The following GPM6B variants were observed in gnomAD, a reference collection of about 807,000 sequenced individuals.
GPM6B encodes the protein neuronal membrane glycoprotein M6-b.
Under a neutral mutation model 27.2 loss-of-function variants are expected in GPM6B, and 4 were observed. The observed-to-expected ratio is 0.15, with a 90% CI of 0.07 to 0.34. The LOEUF (loss-of-function observed/expected upper bound fraction) is 0.34. Ranked by LOEUF, GPM6B falls within the 10% of genes least tolerant of loss-of-function variation. The pLI is 1.00. For missense variants in GPM6B, 183 were observed against 261.9 expected, an observed-to-expected ratio of 0.70 and a Z score of 2.08; for synonymous variants, 124 against 103.1, an observed-to-expected ratio of 1.20 and a Z score of -1.23.
chrX:13,799,435 G>T (rs776056183), intron 2 of GPM6B, among the ~76,000 whole-genome samples: 5 of 105,541 alleles, frequency 4.7e-5, no homozygotes, highest in Middle Eastern at 4.8e-3. Context: ...GTTTCACCAT[G>T]TTGGCCAGAC....
intron 2 of GPM6B, among the ~76,000 whole-genome samples, chrX:13,806,575 C>G (rs1350891461): frequency 8.9e-6 from 1 of 111,819 alleles, no homozygotes; most frequent in Non-Finnish European, 1.9e-5. Flanking sequence ...CAAGACAGAA[C>G]TAAATCCAAC....
At chrX:13,887,364 C>T (rs755995149) in intron 1 of GPM6B, among the ~76,000 whole-genome samples, 1 of 111,993 alleles carries the variant, frequency 8.9e-6, no homozygotes, top group East Asian at 2.8e-4. Context: ...ATCTTGATTA[C>T]ACAAGACACA....
chrX:13,895,626 T>C (rs1465752109), intron 1 of GPM6B, among the ~76,000 whole-genome samples: 4 of 111,932 alleles, frequency 3.6e-5, no homozygotes, highest in Non-Finnish European at 1.9e-5. Context: ...TGACTCAATT[T>C]GTATCTCTAT....
Position 13,834,965 on chromosome X carries a change from G to A in GPM6B, c.-197-49157C>T, listed in dbSNP as rs762291258. 1.1e-4 allele frequency among the ~76,000 whole-genome samples: 12 copies of A among 112,345 alleles called. No individual in the cohort carries two copies. In the South Asian group the frequency reaches 4.1e-3, roughly 38 times the overall value. The stretch of plus-strand genomic sequence containing the variant: ...CAGGTACTGTGGATATAAAAAGAGT[G>A]GAGACTGCTTCTCACTGGAGGAGCT... On this transcript the variant is annotated intron_variant, in intron 1 of 6. Coordinates refer to the GPM6B transcript ENST00000398361.
chrX:13,926,685 T>C (rs988267943), intron 1 of GPM6B, among the ~76,000 whole-genome samples: 8 of 111,901 alleles, frequency 7.1e-5, no homozygotes, highest in Non-Finnish European at 1.5e-4. Flanking sequence ...GTGCATGGTA[T>C]TTCTGTATAG....
In GPM6B at chrX:13,913,998, C is replaced by G. The variant is rs1358143603; in HGVS notation, c.-198+24329G>C. Among the ~76,000 whole-genome samples, 13 of 111,403 alleles carry G rather than the reference C, an allele frequency of 1.2e-4. No homozygotes were observed. The Admixed American group carries it at 1.2e-3, about 11-fold the overall frequency. The stretch of plus-strand genomic sequence containing the variant: ...AACTCCTGGGCTCAAGAGATCTGCC[C>G]ACTTCGGCCTCCCAAAGTGCTGAAA... On this transcript the variant is annotated intron_variant, in intron 1 of 6. Coordinates refer to the GPM6B transcript ENST00000398361.
intron 5 of GPM6B, 43 bp from the exon 6 acceptor site, chrX:13,777,468 G>A (rs774314902): frequency 1.6e-5 from 15 of 922,613 alleles, no homozygotes; most frequent in East Asian, 6.2e-5. Flanking sequence ...AAACTATAGC[G>A]CCTCATGTTC....
intron 1 of GPM6B, among the ~76,000 whole-genome samples, chrX:13,900,021 G>A (rs1393232610): frequency 8.9e-6 from 1 of 112,068 alleles, no homozygotes. Context: ...TAAAGTATTT[G>A]TAAATAGATG....
intron 1 of GPM6B, among the ~76,000 whole-genome samples, chrX:13,899,823 A>AG (rs1001110635): frequency 1.8e-5 from 2 of 112,020 alleles, no homozygotes; most frequent in African/African-American, 6.5e-5. Flanking sequence ...AATGAAATGC[A>AG]GTCATTATTG....
At chrX:13,799,403 T>TTA (rs1385492782) in intron 2 of GPM6B, among the ~76,000 whole-genome samples, 17 of 62,740 alleles carry the variant, frequency 2.7e-4, no homozygotes, top group African/African-American at 9.6e-4. Context: ...ATTATTATTA[T>TTA]TTTTTTTTTA....
intron 1 of GPM6B, among the ~76,000 whole-genome samples, chrX:13,919,974 G>GAA (rs35072322): frequency 9.2e-6 from 1 of 109,007 alleles, no homozygotes; most frequent in Non-Finnish European, 1.9e-5. Flanking sequence ...AGTTTCAGAA[G>GAA]AAAAAGAGGC....
At chrX:13,840,107 T>C (rs995945516) in intron 1 of GPM6B, among the ~76,000 whole-genome samples, 1 of 112,288 alleles carries the variant, frequency 8.9e-6, no homozygotes, top group Non-Finnish European at 1.9e-5. Context: ...CAATTGGCAA[T>C]GTGGACCTTA....
At chrX:13,781,183 GA>G (rs1034687896) in intron 4 of GPM6B, among the ~76,000 whole-genome samples, 14 of 111,233 alleles carry the variant, frequency 1.3e-4, no homozygotes, top group Non-Finnish European at 2.5e-4. Flanking sequence ...ACTCCAGAGG[GA>G]AGGCCACTGT....
intron 1 of GPM6B, among the ~76,000 whole-genome samples, chrX:13,841,774 C>A (rs1048948759): frequency 2.7e-5 from 3 of 111,542 alleles, no homozygotes; most frequent in Non-Finnish European, 5.6e-5. Context: ...TACAATGGAA[C>A]CCCTGCTTAA....
upstream of GPM6B, among the ~76,000 whole-genome samples, chrX:13,820,403 A>T (rs1052835192): frequency 1.8e-5 from 2 of 110,440 alleles, no homozygotes; most frequent in Non-Finnish European, 3.8e-5. Context: ...AACCAAAGAG[A>T]AGGAAGAAGT....
intron 1 of GPM6B, among the ~76,000 whole-genome samples, chrX:13,878,393 G>A (rs1011497530): frequency 1.4e-4 from 16 of 111,058 alleles, no homozygotes; most frequent in Non-Finnish European, 2.8e-4. Flanking sequence ...GGGTCTGGGA[G>A]TGAGAAGCAA....
At chrX:13,878,157 GT>G (rs1010506459) in intron 1 of GPM6B, among the ~76,000 whole-genome samples, 1 of 64,228 alleles carries the variant, frequency 1.6e-5, no homozygotes, top group Non-Finnish European at 2.4e-5. Flanking sequence ...TAATAAAGCT[GT>G]TAAAAAAAAA....
intron 2 of GPM6B, among the ~76,000 whole-genome samples, chrX:13,800,487 G>A (rs1279285008): frequency 1.8e-5 from 2 of 112,592 alleles, no homozygotes; most frequent in Non-Finnish European, 3.7e-5. Context: ...TTTGCCTACA[G>A]CTTTACAATC....
intron 1 of GPM6B, among the ~76,000 whole-genome samples, chrX:13,906,314 G>A (rs1414195221): frequency 8.9e-6 from 1 of 111,914 alleles, no homozygotes; most frequent in Non-Finnish European, 1.9e-5. Flanking sequence ...GTAAGTCTGG[G>A]CTAATAGCCA....
Sources: gnomAD v4.1 joint callset for allele counts (sites outside exome capture counted in the v4.1 genomes callset) on GRCh38, gnomAD v4.1.1 for gene constraint, MANE v1.5 for transcripts, NCBI Gene and HGNC (gene_info 2026-07-23, HGNC 2026-07-21) for gene names.